The following DGKH variants were observed in gnomAD, a reference collection of about 807,000 sequenced individuals.
The protein encoded by DGKH is diacylglycerol kinase eta.
A neutral mutation model predicts 159.3 loss-of-function variants in DGKH; 90 were observed. The observed-to-expected ratio is 0.57, with a 90% CI of 0.48 to 0.67. The LOEUF (loss-of-function observed/expected upper bound fraction) is 0.67, where lower values mean the gene tolerates loss of function less well. Ranked by LOEUF, DGKH falls within the 30% of genes least tolerant of loss-of-function variation. The probability of loss-of-function intolerance (pLI) is 0.00; values close to 1 mark genes in which losing one functional copy is unlikely to be tolerated. For missense variants in DGKH, 1,181 were observed against 1,506.1 expected, an observed-to-expected ratio of 0.78 and a Z score of 3.57; for synonymous variants, 536 against 553.8, an observed-to-expected ratio of 0.97 and a Z score of 0.45.
At chr13:42,114,287 C>A (rs909814490) in intron 1 of DGKH, among the ~76,000 whole-genome samples, 5 of 152,186 alleles carry the variant, frequency 3.3e-5, no homozygotes, top group Admixed American at 6.5e-5. Flanking sequence ...AGAGTTCTTA[C>A]AGTGCTGCTG....
At chr13:42,207,720 T>A (rs1304973055) in intron 21 of DGKH, among the ~76,000 whole-genome samples, 1 of 148,174 alleles carries the variant, frequency 6.7e-6, no homozygotes, top group East Asian at 2.0e-4. Flanking sequence ...TATATATCAG[T>A]AAAAATGAGA....
chr13:42,068,881 A>C, intron 1 of DGKH: 2 of 944,998 alleles, frequency 2.1e-6, no homozygotes, highest in Admixed American at 5.7e-5. Context: ...AGTAATAAAA[A>C]AGACAAAATA....
chr13:42,189,455 A>G (rs1307901018), intron 15 of DGKH, 146 bp downstream of exon 15: 11 of 1,054,144 alleles, frequency 1.0e-5, no homozygotes, highest in Non-Finnish European at 1.5e-5. Context: ...TTATAAGAAA[A>G]CTTGTACATA....
intron 1 of DGKH, among the ~76,000 whole-genome samples, chr13:42,076,783 A>T (rs1954108736): frequency 1.3e-5 from 2 of 152,168 alleles, no homozygotes; most frequent in Admixed American, 6.5e-5. Flanking sequence ...CTTTCTACAG[A>T]TGTGACAGTG....
intron 7 of DGKH, among the ~76,000 whole-genome samples, chr13:42,163,325 G>A (rs951997762): frequency 2.0e-5 from 3 of 152,032 alleles, no homozygotes; most frequent in Non-Finnish European, 4.4e-5. Context: ...ATAAACATAC[G>A]TGTGCATGTG....
intron 3 of DGKH, among the ~76,000 whole-genome samples, chr13:42,146,151 T>C (rs1955723776): frequency 5.3e-5 from 1 of 18,764 alleles, no homozygotes; most frequent in Non-Finnish European, 2.2e-4. Context: ...CTGGGGAGGC[T>C]TTTTTTTTTT....
At chr13:42,166,457 C>T (rs1395229174) in intron 8 of DGKH, 58 bp from the exon 9 acceptor site, 6 of 1,329,970 alleles carry the variant, frequency 4.5e-6, no homozygotes, top group Non-Finnish European at 5.9e-6. Context: ...TGAATGTTTG[C>T]TAATAATTTA....
intron 1 of DGKH, among the ~76,000 whole-genome samples, chr13:42,041,831 A>T (rs1275581157): frequency 6.6e-6 from 1 of 152,108 alleles, no homozygotes; most frequent in East Asian, 1.9e-4. Flanking sequence ...GCCCCGTCCG[A>T]AATTTCTGGC....
At chr13:42,208,283 A>G (rs1325156888) in intron 21 of DGKH, among the ~76,000 whole-genome samples, 1 of 152,142 alleles carries the variant, frequency 6.6e-6, no homozygotes, top group Non-Finnish European at 1.5e-5. Flanking sequence ...GATATAGTAA[A>G]AGAGAGAGTA....
chr13:42,223,200 C>T (rs1031109475), intron 29 of DGKH, among the ~76,000 whole-genome samples: 4 of 152,138 alleles, frequency 2.6e-5, no homozygotes, highest in Non-Finnish European at 5.9e-5. Context: ...TTGTTCTCTG[C>T]GGTTGTAGCT....
chr13:42,229,232 A>AT lies in DGKH; in HGVS notation c.*45dup. On this transcript the variant is annotated 3_prime_UTR_variant, in exon 30 of 30. Transcript: ENST00000337343. ...TTGGAAGAGAAGTTATTGCCACTTA[A>AT]TACAAAGTCCTTGGAAGCAAGTGGC... is the stretch of plus-strand genomic sequence containing the variant. 1 of 1,556,286 alleles carries AT rather than the reference A, an allele frequency of 6.4e-7. No homozygotes were observed. The highest frequency in any genetic ancestry group is 8.8e-7 in the Non-Finnish European group (1 of 1,140,810).
At chr13:42,169,711 A>C (rs944974239) in intron 11 of DGKH, among the ~76,000 whole-genome samples, 2 of 152,226 alleles carry the variant, frequency 1.3e-5, no homozygotes, top group African/African-American at 4.8e-5. Flanking sequence ...AACCTAATTA[A>C]TTGTAACCTT....
chr13:42,194,389 T>A (rs1957153994), intron 16 of DGKH, among the ~76,000 whole-genome samples: 1 of 152,180 alleles, frequency 6.6e-6, no homozygotes, highest in African/African-American at 2.4e-5. Flanking sequence ...TGCCTTAGCC[T>A]CCCAAAGCTC....
intron 1 of DGKH, among the ~76,000 whole-genome samples, chr13:42,056,704 G>A (rs566536749): frequency 1.8e-4 from 27 of 152,088 alleles, no homozygotes; most frequent in Non-Finnish European, 2.5e-4. Context: ...CCTTGCTTTC[G>A]GTAGCCCTGT....
At chr13:42,144,692 AAAAG>A (rs956199876) in intron 3 of DGKH, among the ~76,000 whole-genome samples, 8 of 152,074 alleles carry the variant, frequency 5.3e-5, no homozygotes, top group Non-Finnish European at 1.0e-4. Flanking sequence ...AAAAAAAAAA[AAAAG>A]AAAGAAAGAA....
Position 42,230,467 on chromosome 13 carries a change from T to G in DGKH, c.*1279T>G, listed in dbSNP as rs924953157. On this transcript the variant is annotated 3_prime_UTR_variant, in exon 30 of 30. Coordinates refer to ENST00000337343, the MANE Select transcript of DGKH (RefSeq NM_178009.5). ...GTCAACATTACAATGATCAAATCTT[T>G]GAAAGCCAAAGGCATACGTATCAAA... is the stretch of plus-strand genomic sequence containing the variant. 42 of 152,248 alleles carry G rather than the reference T, an allele frequency of 2.8e-4. No homozygotes were observed. The highest frequency in any genetic ancestry group is 1.0e-3 in the African/African-American group (42 of 41,572). 9.4% of individuals were successfully genotyped at this position (152,248 alleles called of 1,614,324 possible).
At chr13:42,132,063 C>G (rs367986507) in intron 3 of DGKH, among the ~76,000 whole-genome samples, 2 of 152,202 alleles carry the variant, frequency 1.3e-5, no homozygotes, top group African/African-American at 4.8e-5. Flanking sequence ...GAAGAATAAT[C>G]GTCTCTCTGC....
In DGKH at chr13:42,121,091, A is replaced by AC. The variant is rs370304222; in HGVS notation, c.193-6372_193-6371insC. Among the ~76,000 whole-genome samples, 32 of 78,576 alleles carry AC rather than the reference A, an allele frequency of 4.1e-4. 1 individual carries two copies. Among genetic ancestry groups the AC allele is most frequent in the African/African-American group, 1.2e-3 (30 of 24,702 alleles). 51.5% of individuals were successfully genotyped at this position (78,576 alleles called of 152,430 possible). ...TACACACACACACACACACACACAC[A>AC]ACATGCGCACACACACACACACGCA... On this transcript the variant is annotated intron_variant, in intron 1 of 29. Transcript: ENST00000337343.
intron 16 of DGKH, among the ~76,000 whole-genome samples, chr13:42,193,519 C>A (rs1957132952): frequency 6.6e-6 from 1 of 152,086 alleles, no homozygotes; most frequent in African/African-American, 2.4e-5. Flanking sequence ...TGTAATAATT[C>A]ATATGTCTGA....
Sources: gnomAD v4.1 joint callset for allele counts (sites outside exome capture counted in the v4.1 genomes callset) on GRCh38, gnomAD v4.1.1 for gene constraint, MANE v1.5 for transcripts, NCBI Gene and HGNC (gene_info 2026-07-23, HGNC 2026-07-21) for gene names.